LRP2BP: variants seen among roughly 807,000 people sequenced by gnomAD.
LRP2BP encodes the protein LRP2 binding protein, also known as LRP2-binding protein.
LRP2BP carries 38 observed loss-of-function variants against 45.2 expected under a neutral mutation model. That is an observed-to-expected ratio of 0.84 (90% CI 0.65 to 1.10). LRP2BP has a LOEUF of 1.10. Ranked by LOEUF, LRP2BP falls within the 50% of genes least tolerant of loss-of-function variation. The probability of loss-of-function intolerance (pLI) is 0.00; values close to 1 mark genes in which losing one functional copy is unlikely to be tolerated. For synonymous variants in LRP2BP, 153 were observed against 153.9 expected (o/e 0.99, Z 0.04); for missense variants, 385 against 418.9 (o/e 0.92, Z 0.71).
At chr4:185,375,487 A>AAAAAAAGACATATAT (rs1554018308) in intron 4 of LRP2BP, 126 bp downstream of exon 4, 1 of 12,010 alleles carries the variant, frequency 8.3e-5, no homozygotes, top group Non-Finnish European at 1.5e-4. Flanking sequence ...AAAAAAAAAA[A>AAAAAAAGACATATAT]ATATATATAT....
intron 1 of LRP2BP, among the ~76,000 whole-genome samples, chr4:185,385,898 C>G (rs2095469801): frequency 3.5e-5 from 1 of 28,868 alleles, no homozygotes. Context: ...AAGACTCTGT[C>G]TCGGGGAGGG....
intron 1 of LRP2BP, among the ~76,000 whole-genome samples, chr4:185,391,125 T>C (rs2095487254): frequency 6.6e-6 from 1 of 152,240 alleles, no homozygotes; most frequent in South Asian, 2.1e-4. Context: ...TGAGGAATAC[T>C]AGCCGTGTAT....
At chr4:185,368,911 A>AG (rs936525795) in intron 8 of LRP2BP, among the ~76,000 whole-genome samples, 31 of 150,290 alleles carry the variant, frequency 2.1e-4, no homozygotes, top group Non-Finnish European at 1.5e-5. Flanking sequence ...CTCATGCCTC[A>AG]GCCTCCCGAG....
At chr4:185,369,643 G>T in intron 8 of LRP2BP, 1 of 361,446 alleles carries the variant, frequency 2.8e-6, no homozygotes, top group East Asian at 7.9e-5. Context: ...ATTTGGCTGT[G>T]TGCTATGTGT....
rs970017471 is a variant in LRP2BP, at chr4:185,392,190, G to C, written c.-22+2589C>G. Among the ~76,000 whole-genome samples, 5 of 152,236 alleles carry C rather than the reference G, an allele frequency of 3.3e-5. No individual in the cohort carries two copies. The East Asian group carries it at 5.8e-4, about 18-fold the overall frequency. On this transcript the variant is annotated intron_variant, in intron 1 of 8. Coordinates refer to ENST00000505916, the MANE Select transcript of LRP2BP (RefSeq NM_001377440.1). Reference sequence around the variant, plus strand: ...TTTCATTGAAAGGAATATATAACCAGGAGGAGAAATAACAAAAATATGAAA... The same window carrying C: ...TTTCATTGAAAGGAATATATAACCACGAGGAGAAATAACAAAAATATGAAA...
chr4:185,393,686 C>T (rs1318340140), intron 1 of LRP2BP, among the ~76,000 whole-genome samples: 8 of 151,934 alleles, frequency 5.3e-5, no homozygotes, highest in African/African-American at 1.2e-4. Context: ...CCACCACGCC[C>T]GGCCAATTTT....
At chr4:185,396,404 A>T (rs1446464800), upstream of LRP2BP, 1 of 153,048 alleles carries the variant, frequency 6.5e-6, no homozygotes, top group Non-Finnish European at 1.5e-5. Context: ...CAAAACCTGC[A>T]GCCGAAACTC....
chr4:185,374,080 T>G, intron 6 of LRP2BP, 55 bp downstream of exon 6: 11 of 1,425,118 alleles, frequency 7.7e-6, no homozygotes, highest in Non-Finnish European at 5.9e-6. Context: ...AAAAAAGCAG[T>G]GAAACAAATA....
intron 1 of LRP2BP, among the ~76,000 whole-genome samples, chr4:185,392,799 T>C (rs1157259720): frequency 6.6e-6 from 1 of 152,212 alleles, no homozygotes; most frequent in Non-Finnish European, 1.5e-5. Flanking sequence ...TGATATACCA[T>C]GGGTGCCTGG....
At chr4:185,396,600 G>A (rs2095503798), upstream of LRP2BP, 3 of 382,150 alleles carry the variant, frequency 7.9e-6, no homozygotes, top group Admixed American at 4.8e-5. Flanking sequence ...AGGTGGGAGG[G>A]CCTGACGCAT....
At chr4:185,396,699 C>T, upstream of LRP2BP, 1 of 574,144 alleles carries the variant, frequency 1.7e-6, no homozygotes, top group Non-Finnish European at 3.1e-6. Flanking sequence ...TGTTTGTGTA[C>T]GTGCGGCCGT....
intron 8 of LRP2BP, among the ~76,000 whole-genome samples, chr4:185,367,594 T>C (rs2095394136): frequency 6.6e-6 from 1 of 152,216 alleles, no homozygotes; most frequent in Non-Finnish European, 1.5e-5. Flanking sequence ...ATTATGTGAA[T>C]AACAGCATCT....
At chr4:185,379,073 C>G in intron 1 of LRP2BP, 1 of 633,656 alleles carries the variant, frequency 1.6e-6, no homozygotes, top group Non-Finnish European at 2.0e-6. Flanking sequence ...AAAAAAATCA[C>G]TGAATTATCT....
At chr4:185,368,795 G>GTTTT (rs34691416) in intron 8 of LRP2BP, among the ~76,000 whole-genome samples, 4 of 133,056 alleles carry the variant, frequency 3.0e-5, no homozygotes, top group African/African-American at 5.6e-5. Context: ...AATCTGTTTT[G>GTTTT]TTTTTTTTTT....
chr4:185,392,871 C>T (rs563993204), intron 1 of LRP2BP, among the ~76,000 whole-genome samples: 13 of 152,268 alleles, frequency 8.5e-5, no homozygotes, highest in Admixed American at 2.6e-4. Flanking sequence ...AATGCTTTGG[C>T]GTTATGATAT....
Position 185,390,427 on chromosome 4 carries a change from G to C in LRP2BP, c.-22+4352C>G, listed in dbSNP as rs200568665. ...CCAGCTACTAGGGAGGCTGAGGCAG[G>C]AGAATCGCTTGAACCTAGGAGGCAG... On this transcript the variant is annotated intron_variant, in intron 1 of 8. Transcript: ENST00000505916. 9.9e-5 allele frequency among the ~76,000 whole-genome samples: 15 copies of C among 151,832 alleles called. No homozygotes were observed. In the East Asian group the frequency reaches 2.9e-3, roughly 29 times the overall value.
intron 8 of LRP2BP, among the ~76,000 whole-genome samples, chr4:185,370,383 AGGCTGCAG>A (rs951209648): frequency 6.6e-6 from 1 of 152,220 alleles, no homozygotes; most frequent in African/African-American, 2.4e-5. Flanking sequence ...GCTGGGCCTT[AGGCTGCAG>A]ATAGTAGCAG....
chr4:185,377,138 C>A, intron 2 of LRP2BP, 120 bp from the exon 3 acceptor site: 1 of 741,578 alleles, frequency 1.3e-6, no homozygotes, highest in Non-Finnish European at 2.3e-6. Flanking sequence ...AGTGCTCATT[C>A]CTACAACTGG....
intron 1 of LRP2BP, among the ~76,000 whole-genome samples, chr4:185,382,956 A>G (rs938563875): frequency 6.6e-6 from 1 of 152,208 alleles, no homozygotes; most frequent in African/African-American, 2.4e-5. Context: ...ATTTACTCTT[A>G]CATTTAGGTC....
Sources: gnomAD v4.1 joint callset for allele counts (sites outside exome capture counted in the v4.1 genomes callset) on GRCh38, gnomAD v4.1.1 for gene constraint, MANE v1.5 for transcripts, NCBI Gene and HGNC (gene_info 2026-07-23, HGNC 2026-07-21) for gene names.